Variants in LINGO2 observed in about 807,000 individuals in gnomAD.
The protein encoded by LINGO2 is leucine-rich repeat and immunoglobulin-like domain-containing nogo receptor-interacting protein 2.
In LINGO2, 14 loss-of-function variants were observed where a neutral mutation model predicts 30.6. The observed-to-expected ratio is 0.46, with a 90% CI of 0.30 to 0.72. LINGO2 has a LOEUF of 0.72. LINGO2 is among the 30% of genes least tolerant of loss of function. The pLI, the probability that LINGO2 is intolerant of heterozygous loss-of-function variation, is 0.07. For synonymous variants in LINGO2, 317 were observed against 288.5 expected, an observed-to-expected ratio of 1.10 and a Z score of -1.00; for missense variants, 729 against 751.7, an observed-to-expected ratio of 0.97 and a Z score of 0.35.
the LINGO2 span, among the ~76,000 whole-genome samples, chr9:29,068,411 A>T: frequency 2.0e-5 from 3 of 151,802 alleles, no homozygotes; most frequent in Non-Finnish European, 4.4e-5. Flanking sequence ...CCAATGTGCA[A>T]TAAGTAATGT....
intron 1 of LINGO2, among the ~76,000 whole-genome samples, chr9:28,523,242 T>A (rs549159825): frequency 6.6e-6 from 1 of 152,048 alleles, no homozygotes; most frequent in South Asian, 2.1e-4. Flanking sequence ...GATTTAGAAG[T>A]GCAGCTTGAA....
the LINGO2 span, among the ~76,000 whole-genome samples, chr9:28,758,537 C>T: frequency 0.47 from 71,502 of 151,720 alleles, 19,117 homozygotes; most frequent in East Asian, 0.74. Flanking sequence ...TCACCCATTC[C>T]CATATTGCTT....
At chr9:28,306,188 CT>C (rs1391667277) in intron 3 of LINGO2, among the ~76,000 whole-genome samples, 4 of 152,094 alleles carry the variant, frequency 2.6e-5, no homozygotes, top group Admixed American at 2.0e-4. Context: ...ATGAGCAATA[CT>C]TGAACATGAA....
At chr9:28,901,231 A>T in the LINGO2 span, among the ~76,000 whole-genome samples, 1 of 152,190 alleles carries the variant, frequency 6.6e-6, no homozygotes, top group African/African-American at 2.4e-5. Flanking sequence ...CCAATCAGAA[A>T]CGAAGGAGAT....
the LINGO2 span, among the ~76,000 whole-genome samples, chr9:28,736,649 G>A: frequency 6.6e-6 from 1 of 151,978 alleles, no homozygotes; most frequent in Non-Finnish European, 1.5e-5. Flanking sequence ...AAAATTAGCC[G>A]GGTGTGGTGG....
rs773094119 is a variant in LINGO2, at chr9:28,038,994, G to GC, written c.-86-26590_-86-26589insG. ...TAGGTCTACAATTCTTTTTGATTGT[G>GC]TAGCACGAAATCTTAAAGGAGTTTG... is the stretch of plus-strand genomic sequence containing the variant. On this transcript the variant is annotated intron_variant, in intron 4 of 5. Transcript: ENST00000379992. 3.3e-3 allele frequency among the ~76,000 whole-genome samples: 505 copies of GC among 152,194 alleles called. 2 individuals carry two copies. The highest frequency in any genetic ancestry group is 5.5e-3 in the Non-Finnish European group (377 of 68,016).
At chr9:28,756,422 G>A in the LINGO2 span, among the ~76,000 whole-genome samples, 1 of 151,976 alleles carries the variant, frequency 6.6e-6, no homozygotes, top group Non-Finnish European at 1.5e-5. Flanking sequence ...TGTCTCAGCT[G>A]AGATTTTGGA....
chr9:28,966,138 T>A, the LINGO2 span, among the ~76,000 whole-genome samples: 2 of 152,182 alleles, frequency 1.3e-5, no homozygotes, highest in East Asian at 3.9e-4. Context: ...AAGTTGAGAT[T>A]GAAAGGCCAC....
chr9:28,012,200 T>G (rs1360577372), intron 5 of LINGO2, among the ~76,000 whole-genome samples: 1 of 151,298 alleles, frequency 6.6e-6, no homozygotes, highest in Non-Finnish European at 1.5e-5. Context: ...GGGAAAAGAG[T>G]GGAGGGAAAG....
chr9:28,682,843 A>G, the LINGO2 span, among the ~76,000 whole-genome samples: 1 of 151,870 alleles, frequency 6.6e-6, no homozygotes, highest in African/African-American at 2.4e-5. Flanking sequence ...AAACATAATT[A>G]TAGAAAGTTG....
chr9:28,993,869 A>G, the LINGO2 span, among the ~76,000 whole-genome samples: 12 of 152,126 alleles, frequency 7.9e-5, no homozygotes, highest in African/African-American at 2.9e-4. Context: ...GACGTATCTC[A>G]AAATAATTAG....
chr9:28,364,246 G>T (rs570801321), intron 3 of LINGO2, among the ~76,000 whole-genome samples: 1 of 152,238 alleles, frequency 6.6e-6, no homozygotes, highest in South Asian at 2.1e-4. Context: ...GTGATTGATT[G>T]ACTAGAAATA....
chr9:28,485,080 A>T (rs757001961), intron 1 of LINGO2, among the ~76,000 whole-genome samples: 1 of 152,142 alleles, frequency 6.6e-6, no homozygotes, highest in Non-Finnish European at 1.5e-5. Flanking sequence ...CTAAGATTCC[A>T]TGTAAACCAT....
chr9:29,166,666 G>T, the LINGO2 span, among the ~76,000 whole-genome samples: 1 of 151,980 alleles, frequency 6.6e-6, no homozygotes, highest in Non-Finnish European at 1.5e-5. Flanking sequence ...CTGCAATCTG[G>T]AATTTCCAGT....
the LINGO2 span, among the ~76,000 whole-genome samples, chr9:29,152,604 C>A: frequency 6.6e-6 from 1 of 152,062 alleles, no homozygotes; most frequent in Non-Finnish European, 1.5e-5. Context: ...ACACTGAATA[C>A]ACATGGACAT....
intron 3 of LINGO2, among the ~76,000 whole-genome samples, chr9:28,298,582 C>G (rs1428578768): frequency 6.6e-6 from 1 of 150,572 alleles, no homozygotes; most frequent in Non-Finnish European, 1.5e-5. Context: ...ACTCGGGAGG[C>G]TGAGGCAGGA....
At chr9:29,054,489 T>G in the LINGO2 span, among the ~76,000 whole-genome samples, 1 of 152,186 alleles carries the variant, frequency 6.6e-6, no homozygotes, top group Non-Finnish European at 1.5e-5. Context: ...TGGAATTGTT[T>G]TCCTACTTTC....
the LINGO2 span, among the ~76,000 whole-genome samples, chr9:29,106,444 C>T: frequency 6.6e-6 from 1 of 152,088 alleles, no homozygotes; most frequent in Non-Finnish European, 1.5e-5. Flanking sequence ...CTCATTTTCT[C>T]CCATAGCATA....
At chr9:28,551,021 G>C (rs1822252188) in intron 1 of LINGO2, among the ~76,000 whole-genome samples, 1 of 151,776 alleles carries the variant, frequency 6.6e-6, no homozygotes, top group Non-Finnish European at 1.5e-5. Context: ...GTAATTGCTT[G>C]TAATCTTCAG....
Sources: gnomAD v4.1 joint callset for allele counts (sites outside exome capture counted in the v4.1 genomes callset) on GRCh38, gnomAD v4.1.1 for gene constraint, MANE v1.5 for transcripts, NCBI Gene and HGNC (gene_info 2026-07-23, HGNC 2026-07-21) for gene names.